FHIT: variants seen among roughly 807,000 people sequenced by gnomAD.
FHIT encodes the protein fragile histidine triad diadenosine triphosphatase, also known as bis(5'-adenosyl)-triphosphatase.
FHIT carries 19 observed loss-of-function variants against 17.9 expected under a neutral mutation model. The ratio of observed to expected loss-of-function variants is 1.06; its 90% CI spans 0.74 to 1.56. The LOEUF (loss-of-function observed/expected upper bound fraction) is 1.56. Among genes scored for constraint, FHIT ranks in the 40% most tolerant of loss-of-function variants. The pLI is 0.00. For missense variants in FHIT, 248 were observed against 189.2 expected (o/e 1.31, Z -1.82); for synonymous variants, 81 against 69.7 (o/e 1.16, Z -0.81).
intron 2 of FHIT, among the ~76,000 whole-genome samples, chr3:61,062,271 T>C (rs1358436148): frequency 6.6e-6 from 1 of 152,162 alleles, no homozygotes; most frequent in African/African-American, 2.4e-5. Flanking sequence ...CTGATTGATA[T>C]TTTTAGTTTA....
At chr3:60,686,427 A>C (rs534215508) in intron 4 of FHIT, among the ~76,000 whole-genome samples, 1 of 152,222 alleles carries the variant, frequency 6.6e-6, no homozygotes, top group South Asian at 2.1e-4. Flanking sequence ...TTACTTTTGC[A>C]CCAACCTAAT....
At chr3:60,010,497 T>C (rs1326421469) in intron 7 of FHIT, among the ~76,000 whole-genome samples, 3 of 152,214 alleles carry the variant, frequency 2.0e-5, no homozygotes, top group African/African-American at 7.2e-5. Context: ...TTATTTGGCA[T>C]TGTTTGTGTG....
At chr3:59,752,900 T>C (rs1047232057) in intron 8 of FHIT, among the ~76,000 whole-genome samples, 2 of 152,142 alleles carry the variant, frequency 1.3e-5, no homozygotes, top group African/African-American at 4.8e-5. Flanking sequence ...CCCGGGTAGT[T>C]CCTTATAGCA....
intron 4 of FHIT, among the ~76,000 whole-genome samples, chr3:60,753,042 G>A (rs943553067): frequency 3.9e-5 from 6 of 152,202 alleles, no homozygotes; most frequent in Admixed American, 1.3e-4. Flanking sequence ...AACTAGTTGT[G>A]TTGTTGGCTC....
chr3:60,544,660 G>A (rs774875074), intron 4 of FHIT, among the ~76,000 whole-genome samples: 5 of 138,812 alleles, frequency 3.6e-5, no homozygotes, highest in African/African-American at 1.1e-4. Flanking sequence ...ACAGTGGCAC[G>A]ATCTGGGCTC....
chr3:61,150,488 T>G (rs896762476), intron 2 of FHIT, among the ~76,000 whole-genome samples: 1 of 152,150 alleles, frequency 6.6e-6, no homozygotes, highest in Non-Finnish European at 1.5e-5. Context: ...TCATATTTTC[T>G]GAGGGGCAAC....
rs545886178 is a variant in FHIT, at chr3:60,077,829, TAG to T, written c.104-63679_104-63678del. 1.5e-3 allele frequency among the ~76,000 whole-genome samples: 229 copies of T among 151,916 alleles called. 1 individual carries two copies. The highest frequency in any genetic ancestry group is 4.5e-3 in the African/African-American group (187 of 41,442). Reference sequence around the variant, plus strand: ...ATGACTACAGTCAATAAAATTGAATTAGAGTTTTTTGTTAAATAAGTAGATTT... The same window carrying T: ...ATGACTACAGTCAATAAAATTGAATTAGTTTTTTGTTAAATAAGTAGATTT... On this transcript the variant is annotated intron_variant, in intron 5 of 9. Coordinates refer to ENST00000492590, the MANE Select transcript of FHIT (RefSeq NM_002012.4).
chr3:59,749,324 G>GAAGT lies in FHIT; in HGVS notation c.*257_*260dup, dbSNP rs1419254507. 4.3e-6 allele frequency: 1 copy of GAAGT among 231,530 alleles called. No individual in the cohort carries two copies. The highest frequency in any genetic ancestry group is 8.5e-6 in the Non-Finnish European group (1 of 117,088). The allele number at this position is 231,530 out of a possible 1,614,324, so 14.3% of individuals were successfully genotyped here. ...GAGACACAGGGTTGCAGCAGAGAAG[G>GAAGT]AAGTTTAATCATAAGGCTGCCGAAT... On this transcript the variant is annotated 3_prime_UTR_variant, in exon 10 of 10. Transcript: ENST00000492590.
chr3:61,021,383 A>G (rs961545194), intron 3 of FHIT, among the ~76,000 whole-genome samples: 10 of 149,854 alleles, frequency 6.7e-5, no homozygotes, highest in African/African-American at 2.4e-4. Context: ...GCGGATCACG[A>G]GGTCAGGAGA....
At chr3:60,397,652 G>A (rs1183784477) in intron 5 of FHIT, among the ~76,000 whole-genome samples, 2 of 152,166 alleles carry the variant, frequency 1.3e-5, no homozygotes, top group Non-Finnish European at 2.9e-5. Context: ...ATAGCGACAG[G>A]AGGCGGCCAA....
chr3:61,150,577 T>C (rs562207343), intron 2 of FHIT, among the ~76,000 whole-genome samples: 1 of 152,314 alleles, frequency 6.6e-6, no homozygotes, highest in Admixed American at 6.5e-5. Context: ...TTTCAAATGT[T>C]CCACCAGACA....
At chr3:60,231,586 C>T (rs969060913) in intron 5 of FHIT, among the ~76,000 whole-genome samples, 18 of 152,144 alleles carry the variant, frequency 1.2e-4, no homozygotes, top group African/African-American at 3.1e-4. Flanking sequence ...GACAGATCTT[C>T]GCCACAAGGC....
intron 4 of FHIT, among the ~76,000 whole-genome samples, chr3:60,814,181 T>C (rs1701660024): frequency 6.6e-6 from 1 of 152,130 alleles, no homozygotes. Context: ...AAAAAATTCA[T>C]TCATCTGTTT....
Position 60,433,515 on chromosome 3 carries a change from G to A in FHIT, c.103+103345C>T, listed in dbSNP as rs1443295155. ...TACAGTTTTCTATAATCATTGCATCGTTTTATTTTCCCACCAACTGTTTAG... is the reference window on the plus strand; with the variant it reads ...TACAGTTTTCTATAATCATTGCATCATTTTATTTTCCCACCAACTGTTTAG... On this transcript the variant is annotated intron_variant, in intron 5 of 9. Coordinates refer to ENST00000492590, the MANE Select transcript of FHIT (RefSeq NM_002012.4). 6.6e-5 allele frequency among the ~76,000 whole-genome samples: 10 copies of A among 151,870 alleles called. 1 individual carries two copies. Among genetic ancestry groups the A allele is most frequent in the African/African-American group, 1.2e-4 (5 of 41,342 alleles).
chr3:59,847,973 T>A (rs1701783368), intron 8 of FHIT, among the ~76,000 whole-genome samples: 1 of 152,160 alleles, frequency 6.6e-6, no homozygotes, highest in Admixed American at 6.5e-5. Context: ...ATCAGCCCTT[T>A]AAATTCCCTA....
At chr3:60,375,310 T>C (rs1476357832) in intron 5 of FHIT, among the ~76,000 whole-genome samples, 5 of 151,832 alleles carry the variant, frequency 3.3e-5, no homozygotes, top group Non-Finnish European at 5.9e-5. Context: ...GGCTCACACC[T>C]GTAATCCTAG....
rs577443628 is a variant in FHIT, at chr3:61,177,901, C to G, written c.-164+22716G>C. 2.6e-5 allele frequency among the ~76,000 whole-genome samples: 4 copies of G among 152,156 alleles called. No individual in the cohort carries two copies. In the East Asian group the frequency reaches 5.8e-4, roughly 22 times the overall value. On this transcript the variant is annotated intron_variant, in intron 2 of 9. Transcript: ENST00000492590. ...TCAGATAGACATTAAAAAATGATAC[C>G]AGGTTTGCTCCAGCATTAAAATACC...
At chr3:60,851,297 A>G (rs1398135231) in intron 3 of FHIT, among the ~76,000 whole-genome samples, 2 of 152,118 alleles carry the variant, frequency 1.3e-5, no homozygotes, top group Non-Finnish European at 2.9e-5. Flanking sequence ...GCTTTCCTCT[A>G]GCATTAGAAC....
At chr3:61,214,549 T>A (rs1173757042) in intron 1 of FHIT, among the ~76,000 whole-genome samples, 2 of 152,052 alleles carry the variant, frequency 1.3e-5, no homozygotes, top group Non-Finnish European at 2.9e-5. Flanking sequence ...CAGGACCAGA[T>A]GGATTCACAG....
Sources: gnomAD v4.1 joint callset for allele counts (sites outside exome capture counted in the v4.1 genomes callset) on GRCh38, gnomAD v4.1.1 for gene constraint, MANE v1.5 for transcripts, NCBI Gene and HGNC (gene_info 2026-07-23, HGNC 2026-07-21) for gene names.